GLG1: variants seen among roughly 807,000 people sequenced by gnomAD.
GLG1 encodes the protein Golgi apparatus protein 1.
In GLG1, 38 loss-of-function variants were observed where a neutral mutation model predicts 160.5. The observed-to-expected ratio is 0.24, with a 90% CI of 0.18 to 0.31. The LOEUF is 0.31. GLG1 is among the 10% of genes least tolerant of loss of function. The pLI is 1.00. For synonymous variants in GLG1, 644 were observed against 543.4 expected, an observed-to-expected ratio of 1.19 and a Z score of -2.57; for missense variants, 1,373 against 1,505.2, an observed-to-expected ratio of 0.91 and a Z score of 1.45.
intron 1 of GLG1, among the ~76,000 whole-genome samples, chr16:74,576,148 G>A (rs1163769148): frequency 6.6e-6 from 1 of 151,786 alleles, no homozygotes; most frequent in East Asian, 1.9e-4. Flanking sequence ...GGTGAGCTGA[G>A]ATAGCACCAC....
intron 1 of GLG1, among the ~76,000 whole-genome samples, chr16:74,593,383 G>T (rs1958226267): frequency 6.6e-6 from 1 of 151,390 alleles, no homozygotes; most frequent in African/African-American, 2.4e-5. Context: ...ATGACTTGCA[G>T]GGCAGTCTTT....
intron 1 of GLG1, among the ~76,000 whole-genome samples, chr16:74,587,650 G>A (rs1419724165): frequency 1.3e-5 from 2 of 152,146 alleles, no homozygotes; most frequent in Admixed American, 6.6e-5. Flanking sequence ...GGGCGATCAC[G>A]AGGTCAAGAG....
intron 5 of GLG1, 80 bp downstream of exon 5, chr16:74,496,361 A>G (rs2016186039): frequency 3.0e-6 from 3 of 1,001,566 alleles, no homozygotes; most frequent in Non-Finnish European, 4.5e-6. Flanking sequence ...TCAAAAAACA[A>G]CACAATTAAA....
chr16:74,497,854 C>G (rs1188391755), intron 4 of GLG1, among the ~76,000 whole-genome samples: 1 of 152,202 alleles, frequency 6.6e-6, no homozygotes, highest in East Asian at 1.9e-4. Context: ...TATGTAGAAT[C>G]TGTTGTTTAA....
chr16:74,558,701 C>T (rs1187133548), intron 1 of GLG1, among the ~76,000 whole-genome samples: 2 of 152,188 alleles, frequency 1.3e-5, no homozygotes, highest in East Asian at 1.9e-4. Flanking sequence ...CCAAAGGATG[C>T]GGAAAGTTTC....
chr16:74,505,065 CTTTA>C (rs1019675067), intron 3 of GLG1, among the ~76,000 whole-genome samples: 4 of 152,104 alleles, frequency 2.6e-5, no homozygotes, highest in Admixed American at 6.6e-5. Context: ...AGAAACAGTG[CTTTA>C]TTTGTCCTTT....
At chr16:74,506,232 G>A (rs1316076935) in intron 3 of GLG1, among the ~76,000 whole-genome samples, 2 of 151,708 alleles carry the variant, frequency 1.3e-5, no homozygotes, top group Admixed American at 6.6e-5. Flanking sequence ...CCCACTTAAT[G>A]AAACAGAGAA....
At chr16:74,586,548 C>G (rs1958058219) in intron 1 of GLG1, among the ~76,000 whole-genome samples, 1 of 152,010 alleles carries the variant, frequency 6.6e-6, no homozygotes, top group East Asian at 1.9e-4. Flanking sequence ...AATCATAACT[C>G]ACTGCAGCCT....
Position 74,468,929 on chromosome 16 carries a change from A to G in GLG1, c.2436+17T>C. 6.8e-7 allele frequency: 1 copy of G among 1,462,458 alleles called. No individual in the cohort carries two copies. The highest frequency in any genetic ancestry group is 9.6e-7 in the Non-Finnish European group (1 of 1,041,112). The allele number at this position is 1,462,458 out of a possible 1,614,324, so 90.6% of individuals were successfully genotyped here. ...GGCCCACTGTGGTTTCTGGGAGCAG[A>G]GGCTGGGAGGCATTACCATCTCCAG... On this transcript the variant is annotated intron_variant, in intron 17 of 25. Coordinates refer to ENST00000422840, the MANE Select transcript of GLG1 (RefSeq NM_001145667.2).
At position 74,452,258 on chromosome 16, in the gene GLG1, G is replaced by A; in HGVS notation, c.*909C>T. On this transcript the variant is annotated 3_prime_UTR_variant, in exon 26 of 26. Transcript: ENST00000422840. ...CCTGATGAAGCGCAGAGCTTCCAGA[G>A]TGACTGTAGCCTCAGCAGGGCCGGT... The A allele has an allele frequency of 6.7e-7, 1 of 1,500,378 alleles. No individual in the cohort carries two copies. Among genetic ancestry groups the A allele is most frequent in the Non-Finnish European group, 8.9e-7 (1 of 1,125,476 alleles). The allele number at this position is 1,500,378 out of a possible 1,614,324, so 92.9% of individuals were successfully genotyped here. A position where few individuals can be genotyped will look rare whatever the true frequency, so the allele number is the denominator to read the frequency against.
chr16:74,594,007 A>G (rs1451270970), intron 1 of GLG1, among the ~76,000 whole-genome samples: 1 of 151,986 alleles, frequency 6.6e-6, no homozygotes, highest in African/African-American at 2.4e-5. Flanking sequence ...CCCAGGTTCA[A>G]GCAATTCTCC....
At chr16:74,468,712 G>A in intron 17 of GLG1, 2 of 528,768 alleles carry the variant, frequency 3.8e-6, no homozygotes, top group Non-Finnish European at 3.4e-6. Context: ...TGCTTAGTTA[G>A]AGCCTGTCTT....
intron 25 of GLG1, among the ~76,000 whole-genome samples, chr16:74,453,702 C>T (rs1256899232): frequency 1.3e-5 from 2 of 152,164 alleles, no homozygotes. Context: ...TTCACCACTC[C>T]CATACTCTGG....
chr16:74,557,043 A>G (rs911735880), intron 1 of GLG1, among the ~76,000 whole-genome samples: 2 of 152,158 alleles, frequency 1.3e-5, no homozygotes, highest in African/African-American at 4.8e-5. Context: ...CATTAAAGAT[A>G]AGCAGTAGAA....
chr16:74,451,981 T>TA lies in GLG1; in HGVS notation c.*1185dup. 9.2e-7 allele frequency: 1 copy of TA among 1,087,728 alleles called. No homozygotes were observed. The highest frequency in any genetic ancestry group is 1.4e-6 in the Non-Finnish European group (1 of 703,172). 67.4% of individuals were successfully genotyped at this position (1,087,728 alleles called of 1,614,324 possible). Reference sequence around the variant, plus strand: ...GCAAATCCTCCATCTTTTAATGTGATAACTTTCCACACCCTCTCCACGTAG... The same window carrying TA: ...GCAAATCCTCCATCTTTTAATGTGATAAACTTTCCACACCCTCTCCACGTAG... On this transcript the variant is annotated 3_prime_UTR_variant, in exon 26 of 26. Coordinates refer to ENST00000422840, the MANE Select transcript of GLG1 (RefSeq NM_001145667.2).
At chr16:74,572,610 C>T (rs747241773) in intron 1 of GLG1, among the ~76,000 whole-genome samples, 1 of 152,150 alleles carries the variant, frequency 6.6e-6, no homozygotes, top group Non-Finnish European at 1.5e-5. Flanking sequence ...TGGAGAGTGG[C>T]CTGCCTGGAG....
intron 1 of GLG1, among the ~76,000 whole-genome samples, chr16:74,600,806 C>A (rs908343753): frequency 6.6e-6 from 1 of 151,158 alleles, no homozygotes; most frequent in Non-Finnish European, 1.5e-5. Context: ...GAGCTGTGTT[C>A]CACCCAAATC....
rs1295390009 is a variant in GLG1 at position 74,448,612 on chromosome 16, C to T, written c.*4555G>A. ...TAAAAATAAGAAAAAATTATCCAGG[C>T]ATGGTGGTGCATGCCCGTAATCCCA... On this transcript the variant is annotated 3_prime_UTR_variant, in exon 26 of 26. Coordinates refer to ENST00000422840, the MANE Select transcript of GLG1 (RefSeq NM_001145667.2). 1 of 152,092 alleles carries T rather than the reference C, an allele frequency of 6.6e-6. No homozygotes were observed. Among genetic ancestry groups the T allele is most frequent in the Non-Finnish European group, 1.5e-5 (1 of 68,018 alleles). The allele number at this position is 152,092 out of a possible 1,614,324, so 9.4% of individuals were successfully genotyped here. A position where few individuals can be genotyped will look rare whatever the true frequency, so the allele number is the denominator to read the frequency against.
chr16:74,581,765 A>C (rs1409150336), intron 1 of GLG1, among the ~76,000 whole-genome samples: 1 of 152,076 alleles, frequency 6.6e-6, no homozygotes, highest in African/African-American at 2.4e-5. Context: ...ACAAAAAATT[A>C]GCTGGGCTTG....
Sources: gnomAD v4.1 joint callset for allele counts (sites outside exome capture counted in the v4.1 genomes callset) on GRCh38, gnomAD v4.1.1 for gene constraint, MANE v1.5 for transcripts, NCBI Gene and HGNC (gene_info 2026-07-23, HGNC 2026-07-21) for gene names.